Variants in HELQ observed in about 807,000 individuals in gnomAD.
HELQ encodes helicase POLQ-like.
HELQ carries 77 observed loss-of-function variants against 111.6 expected under a neutral mutation model. That is an observed-to-expected ratio of 0.69 (90% CI 0.57 to 0.83). HELQ has a LOEUF of 0.83. Among genes scored for constraint, HELQ ranks in the 40% least tolerant of loss-of-function variants. The pLI, the probability that HELQ is intolerant of heterozygous loss-of-function variation, is 0.00. For synonymous variants in HELQ, 438 were observed against 454.7 expected, an observed-to-expected ratio of 0.96 and a Z score of 0.47; for missense variants, 1,200 against 1,288.5, an observed-to-expected ratio of 0.93 and a Z score of 1.05.
chr4:83,429,453 G>A, intron 12 of HELQ, 71 bp downstream of exon 12: 3 of 1,179,240 alleles, frequency 2.5e-6, no homozygotes, highest in Admixed American at 4.1e-5. Context: ...CCAGCTTAAA[G>A]AAAGTATAAT....
chr4:83,432,095 A>T lies in HELQ; in HGVS notation c.2190+31T>A, dbSNP rs752742898. ...TAGACCAACAACCAAGAAAAAGACA[A>T]AAACAACCAACCAACCAAATTGAGT... On this transcript the variant is annotated intron_variant, in intron 10 of 17. Transcript: ENST00000295488. The T allele has an allele frequency of 5.3e-6, 8 of 1,520,966 alleles. No homozygotes were observed. The African/African-American group carries it at 1.1e-4, about 21-fold the overall frequency. The allele number at this position is 1,520,966 out of a possible 1,614,324, so 94.2% of individuals were successfully genotyped here.
chr4:83,437,439 C>A (rs1046077653), intron 8 of HELQ, among the ~76,000 whole-genome samples: 3 of 151,702 alleles, frequency 2.0e-5, no homozygotes, highest in African/African-American at 7.3e-5. Flanking sequence ...GAAGCAAGAC[C>A]ACCTCTACAA....
chr4:83,426,010 C>T lies in HELQ; in HGVS notation c.2759G>A (p.Gly920Asp), dbSNP rs1404241186. Residue 920 changes from glycine (G) to aspartate (D), a missense_variant, in exon 14 of 18, where the codon GGC (glycine) becomes GAC (aspartate). Physicochemically the swap from Gly to Asp is moderately conservative, Grantham distance 94. Around this residue, in one of 3 missense-constraint regions of HELQ, gnomAD observed 585 missense variants for 665.3 expected, o/e 0.88. Coordinates refer to ENST00000295488, the MANE Select transcript of HELQ (RefSeq NM_133636.5). ...ATGTGGTACCTTTCCGATGGCTTGG[C>T]CTGATGCTTTCTTCCCAATAAAGCT... ...SESFIGKKASGQAIGKKVDKN... is the reference protein window; with the variant it reads ...SESFIGKKASDQAIGKKVDKN... 3.1e-6 allele frequency: 5 copies of T among 1,596,320 alleles called. No individual in the cohort carries two copies. Among genetic ancestry groups the T allele is most frequent in the Non-Finnish European group, 4.3e-6 (5 of 1,164,792 alleles).
intron 2 of HELQ, among the ~76,000 whole-genome samples, chr4:83,451,455 G>C (rs971016248): frequency 1.2e-4 from 18 of 152,126 alleles, no homozygotes; most frequent in Middle Eastern, 3.4e-3. Flanking sequence ...AAGGTCAGGA[G>C]ATCGAGACCA....
Position 83,453,297 on chromosome 4 carries a change from A to G in HELQ, c.946T>C (p.Phe316Leu). The change falls in exon 2 of 18, where the codon TTT becomes CTT. Residue 316 changes from phenylalanine (F) to leucine (L), a missense_variant. Transcript: ENST00000295488. ...CTCACTTTGCTGGGTAATGAATAAAAAGGACCAAGGTCATTTGATGATGAC... is the reference window on the plus strand; with the variant it reads ...CTCACTTTGCTGGGTAATGAATAAAGAGGACCAAGGTCATTTGATGATGAC... ...VESSSNDLGPFYSLPSKVRDL... is the reference protein window; with the variant it reads ...VESSSNDLGPLYSLPSKVRDL... 1 of 1,613,964 alleles carries G rather than the reference A, an allele frequency of 6.2e-7. No individual in the cohort carries two copies. Among genetic ancestry groups the G allele is most frequent in the Non-Finnish European group, 8.5e-7 (1 of 1,179,902 alleles).
chr4:83,432,254 C>T lies in HELQ; in HGVS notation c.2062G>A (p.Ala688Thr), dbSNP rs758456480. The T allele has an allele frequency of 1.3e-6, 2 of 1,569,202 alleles. No individual in the cohort carries two copies. Among genetic ancestry groups the T allele is most frequent in the Admixed American group, 1.8e-5 (1 of 54,152 alleles). The change falls in exon 10 of 18, where the codon GCT becomes ACT. Residue 688 changes from alanine to threonine, a missense_variant. Ala to Thr is a moderately conservative substitution (Grantham distance 58). This residue lies in a region of HELQ where 585 missense variants were observed against 665.3 expected (regional missense o/e 0.88). Transcript: ENST00000295488. ...NLPARRVILR[A>T]PYVAKEFLKR... is the part of the protein sequence containing the mutation. ...AAAAATTCCTTAGCAACATAGGGAG[C>T]TCTTAAAATAACTCTGTGGAATTAA...
At chr4:83,418,773 T>C (rs1351919529) in intron 15 of HELQ, among the ~76,000 whole-genome samples, 2 of 152,160 alleles carry the variant, frequency 1.3e-5, no homozygotes, top group East Asian at 1.9e-4. Flanking sequence ...TGAATGTACA[T>C]GATGAATGGA....
At chr4:83,410,886 C>T (rs1484044362) in intron 17 of HELQ, among the ~76,000 whole-genome samples, 2 of 151,758 alleles carry the variant, frequency 1.3e-5, no homozygotes, top group Non-Finnish European at 2.9e-5. Context: ...CAAGGTGGCT[C>T]ACACTTGTAA....
intron 5 of HELQ, 145 bp from the exon 6 acceptor site, chr4:83,443,759 C>T (rs1720899252): frequency 2.0e-6 from 1 of 502,374 alleles, no homozygotes; most frequent in East Asian, 3.1e-5. Context: ...AAGAAAAATA[C>T]AAATAGCTGG....
chr4:83,453,171 T>C, intron 2 of HELQ, 60 bp downstream of exon 2: 1 of 903,580 alleles, frequency 1.1e-6, no homozygotes. Flanking sequence ...TCTATTTACT[T>C]GCACTAATAT....
chr4:83,453,460 C>G lies in HELQ; in HGVS notation c.783G>C (p.Arg261Ser). The G allele has an allele frequency of 6.2e-7, 1 of 1,607,010 alleles. No homozygotes were observed. The highest frequency in any genetic ancestry group is 8.5e-7 in the Non-Finnish European group (1 of 1,178,108). The change falls in exon 2 of 18, where the codon AGG becomes AGC. Residue 261 changes from arginine (R) to serine (S), a missense_variant. Arg to Ser is a moderately radical substitution (Grantham distance 110). This residue lies in a region of HELQ where 610 missense variants were observed against 607.1 expected (regional missense o/e 1.00). Transcript: ENST00000295488. Reference sequence around the variant, plus strand: ...TTAGATGATCTTTAATACTTTTTCTCCTGTTCATATCTGAACTAGTTCTGA... The same window carrying G: ...TTAGATGATCTTTAATACTTTTTCTGCTGTTCATATCTGAACTAGTTCTGA... ...SKVRTSSDMN[R>S]RKSIKDHLKN...
chr4:83,437,203 A>G, intron 8 of HELQ, 106 bp from the exon 9 acceptor site: 1 of 1,056,420 alleles, frequency 9.5e-7, no homozygotes. Flanking sequence ...TTAATGTACT[A>G]TTTCCATTGA....
rs753594971 is a variant in HELQ, at chr4:83,441,296, C to A, written c.1662+9G>T. On this transcript the variant is annotated intron_variant, in intron 7 of 17. Coordinates refer to ENST00000295488, the MANE Select transcript of HELQ (RefSeq NM_133636.5). ...TGGTAACCTGGAATTTAAATGTTAT[C>A]AATGTTACCTTATAATTAAGAAGAC... 6.7e-7 allele frequency: 1 copy of A among 1,484,102 alleles called. No individual in the cohort carries two copies. The highest frequency in any genetic ancestry group is 1.2e-5 in the South Asian group (1 of 86,426). 91.9% of individuals were successfully genotyped at this position (1,484,102 alleles called of 1,614,324 possible). A position where few individuals can be genotyped will look rare whatever the true frequency, so the allele number is the denominator to read the frequency against.
chr4:83,413,525 T>A (rs889190921), intron 17 of HELQ, among the ~76,000 whole-genome samples: 1 of 152,128 alleles, frequency 6.6e-6, no homozygotes, highest in African/African-American at 2.4e-5. Context: ...CAGAAACAAT[T>A]TGTGACCAGA....
At chr4:83,452,676 T>C (rs139227973) in intron 2 of HELQ, among the ~76,000 whole-genome samples, 29 of 152,226 alleles carry the variant, frequency 1.9e-4, no homozygotes, top group Non-Finnish European at 3.8e-4. Context: ...CAGGAGTGGT[T>C]GTAAGGACAT....
intron 9 of HELQ, among the ~76,000 whole-genome samples, chr4:83,432,781 T>A (rs1329436338): frequency 2.0e-5 from 3 of 152,240 alleles, no homozygotes; most frequent in Non-Finnish European, 4.4e-5. Flanking sequence ...GCTCAGTGGC[T>A]CATGCCTGTA....
intron 17 of HELQ, among the ~76,000 whole-genome samples, chr4:83,409,207 A>C (rs1031653704): frequency 4.6e-5 from 7 of 152,170 alleles, no homozygotes; most frequent in African/African-American, 1.7e-4. Context: ...TGTGTTGTCC[A>C]AGATATGCAG....
In HELQ at chr4:83,436,889, G is replaced by A; in HGVS notation, c.2017C>T (p.Leu673=). The A allele has an allele frequency of 6.2e-7, 1 of 1,614,072 alleles. No homozygotes were observed. Among genetic ancestry groups the A allele is most frequent in the South Asian group, 1.1e-5 (1 of 91,066 alleles). ...VLCLFTCTST[L]AAGVNLPARR... is the part of the protein sequence containing the mutation. ...GCTGGTAGGTTGACACCTGCCGCTA[G>A]GGTAGATGTGCAGGTAAAAAGACAG... The change falls in exon 9 of 18, where the codon CTA becomes TTA. Residue 673 remains leucine, a synonymous_variant. Transcript: ENST00000295488.
chr4:83,451,391 G>A (rs942708334), intron 2 of HELQ, among the ~76,000 whole-genome samples: 3 of 152,068 alleles, frequency 2.0e-5, no homozygotes, highest in East Asian at 1.9e-4. Context: ...GGCCGGGCTC[G>A]GTGGCTCACG....
Sources: allele counts gnomAD v4.1 joint callset (sites outside exome capture counted in the v4.1 genomes callset), GRCh38; gene constraint gnomAD v4.1.1; regional missense constraint gnomAD v4.1.1; transcripts MANE v1.5; gene names NCBI Gene and HGNC (gene_info 2026-07-23, HGNC 2026-07-21).